SKI: variants seen among roughly 807,000 people sequenced by gnomAD.
The protein encoded by SKI is SKI proto-oncogene.
In SKI, 23 loss-of-function variants were observed where a neutral mutation model predicts 59.3. That is an observed-to-expected ratio of 0.39 (90% CI 0.28 to 0.55). SKI has a LOEUF of 0.55. SKI is among the 20% of genes least tolerant of loss of function. The pLI is 0.67. For synonymous variants in SKI, 673 were observed against 488.6 expected, an observed-to-expected ratio of 1.38 and a Z score of -4.98; for missense variants, 1,017 against 1,038.9, an observed-to-expected ratio of 0.98 and a Z score of 0.29.
rs543025042 is a variant in SKI, at chr1:2,237,943, C to T, written c.969+8208C>T. 3.3e-5 allele frequency among the ~76,000 whole-genome samples: 5 copies of T among 152,338 alleles called. No individual in the cohort carries two copies. The South Asian group carries it at 8.3e-4, about 25-fold the overall frequency. On this transcript the variant is annotated intron_variant, in intron 1 of 6. Transcript: ENST00000378536. The stretch of plus-strand genomic sequence containing the variant: ...AGGACGGGTTACTTAAGGAGTCCAA[C>T]GGGCCTTGAGAGGCTGATCACCCTC...
intron 1 of SKI, among the ~76,000 whole-genome samples, chr1:2,301,036 C>T (rs1307428125): frequency 6.6e-6 from 1 of 152,210 alleles, no homozygotes; most frequent in Non-Finnish European, 1.5e-5. Flanking sequence ...CTCCCGGAGT[C>T]AGCGCCGGCT....
rs1381088132 is a variant in SKI at position 2,228,392 on chromosome 1, C to A, written c.-375C>A. ...GCGGCGCCGGCACCTGCCCGCGCGC[C>A]CCCCGCGAGCCCCGGGCCCGCGAGC... On this transcript the variant is annotated 5_prime_UTR_variant, in exon 1 of 7. Transcript: ENST00000378536. Among the ~76,000 whole-genome samples the A allele has an allele frequency of 7.0e-6, 1 of 142,552 alleles. No individual in the cohort carries two copies. Among genetic ancestry groups the A allele is most frequent in the Non-Finnish European group, 1.6e-5 (1 of 64,374 alleles). The allele number at this position is 142,552 out of a possible 152,430, so 93.5% of individuals were successfully genotyped here. A position where few individuals can be genotyped will look rare whatever the true frequency, so the allele number is the denominator to read the frequency against.
At chr1:2,284,474 G>C (rs75187898) in intron 1 of SKI, among the ~76,000 whole-genome samples, 6,445 of 152,314 alleles carry the variant, frequency 0.042, 219 homozygotes, top group African/African-American at 0.082. Context: ...GTGTGAAGTA[G>C]AGATTGTCTG....
intron 1 of SKI, among the ~76,000 whole-genome samples, chr1:2,290,446 TGCACGTGTTTCTGGGCATCTGAGATGAG>T (rs1640136466): frequency 1.3e-5 from 2 of 152,202 alleles, no homozygotes; most frequent in Admixed American, 6.5e-5. Flanking sequence ...TGTTTGGTGC[TGCACGTGTTTCTGGGCATCTGAGATGAG>T]GCCCCAGGGC....
At position 2,228,942 on chromosome 1, in the gene SKI, C is replaced by T. The variant is rs775345694; in HGVS notation, c.176C>T (p.Ala59Val). The T allele has an allele frequency of 1.4e-6, 2 of 1,386,886 alleles. No homozygotes were observed. The highest frequency in any genetic ancestry group is 2.5e-4 in the Middle Eastern group (1 of 4,048). The allele number at this position is 1,386,886 out of a possible 1,614,324, so 85.9% of individuals were successfully genotyped here. A position where few individuals can be genotyped will look rare whatever the true frequency, so the allele number is the denominator to read the frequency against. The change falls in exon 1 of 7, where the codon GCG becomes GTG. Residue 59 changes from alanine to valine, a missense_variant. Ala to Val is a moderately conservative substitution (Grantham distance 64). Coordinates refer to ENST00000378536, the MANE Select transcript of SKI (RefSeq NM_003036.4). ...KESAKEAGAAAVPAPVPAATE... is the reference protein window; with the variant it reads ...KESAKEAGAAVVPAPVPAATE... ...AGCGCCAAGGAGGCGGGCGCGGCCGCGGTGCCGGCGCCGGTGCCCGCAGCC... is the reference window on the plus strand; with the variant it reads ...AGCGCCAAGGAGGCGGGCGCGGCCGTGGTGCCGGCGCCGGTGCCCGCAGCC...
intron 1 of SKI, among the ~76,000 whole-genome samples, chr1:2,280,675 G>A (rs1294137774): frequency 1.1e-5 from 1 of 93,672 alleles, no homozygotes; most frequent in African/African-American, 4.4e-5. Context: ...AGGCGGCGGC[G>A]GCGATCTTCA....
chr1:2,308,696 T>A lies in SKI; in HGVS notation c.*1931T>A. On this transcript the variant is annotated 3_prime_UTR_variant, in exon 7 of 7. Coordinates refer to ENST00000378536, the MANE Select transcript of SKI (RefSeq NM_003036.4). ...TTGGCGTGCTTCTGTGTGGCTGTCC[T>A]GTGTCGCCAGGTCGAAGATCACAGT... 1 of 152,004 alleles carries A rather than the reference T, an allele frequency of 6.6e-6. No homozygotes were observed. Among genetic ancestry groups the A allele is most frequent in the East Asian group, 1.9e-4 (1 of 5,142 alleles). 9.4% of individuals were successfully genotyped at this position (152,004 alleles called of 1,614,324 possible).
chr1:2,258,371 C>T (rs959039455), intron 1 of SKI, among the ~76,000 whole-genome samples: 33 of 152,054 alleles, frequency 2.2e-4, no homozygotes, highest in Admixed American at 3.3e-4. Context: ...GAGGATGGGA[C>T]AGTGGCTGTG....
intron 1 of SKI, among the ~76,000 whole-genome samples, chr1:2,239,394 G>A (rs1159652102): frequency 1.3e-5 from 2 of 152,108 alleles, no homozygotes; most frequent in East Asian, 1.9e-4. Context: ...GTGGCTCTTC[G>A]AGTCAAGCCG....
rs1005819752 is a variant in SKI, at chr1:2,282,444, A to C, written c.970-20534A>C. 7.9e-5 allele frequency among the ~76,000 whole-genome samples: 8 copies of C among 101,684 alleles called. 1 individual carries two copies. Among genetic ancestry groups the C allele is most frequent in the East Asian group, 3.3e-4 (1 of 2,986 alleles). 66.7% of individuals were successfully genotyped at this position (101,684 alleles called of 152,430 possible). Reference sequence around the variant, plus strand: ...TGCCCGAGAAGACAGGCGGTGGCGGAGATCTTCAGAGAGAGGACGCCTGAG... The same window carrying C: ...TGCCCGAGAAGACAGGCGGTGGCGGCGATCTTCAGAGAGAGGACGCCTGAG... On this transcript the variant is annotated intron_variant, in intron 1 of 6. Transcript: ENST00000378536.
chr1:2,289,909 G>T (rs554294027), intron 1 of SKI, among the ~76,000 whole-genome samples: 1 of 152,118 alleles, frequency 6.6e-6, no homozygotes, highest in South Asian at 2.1e-4. Context: ...AGCATGGGGT[G>T]CTTGCCACTC....
chr1:2,280,511 A>G (rs1243967266), intron 1 of SKI, among the ~76,000 whole-genome samples: 4 of 152,160 alleles, frequency 2.6e-5, no homozygotes, highest in African/African-American at 9.7e-5. Flanking sequence ...GGAAAGAGCC[A>G]CTTCTGGGAG....
At chr1:2,288,320 C>G (rs920563946) in intron 1 of SKI, among the ~76,000 whole-genome samples, 1 of 152,196 alleles carries the variant, frequency 6.6e-6, no homozygotes, top group African/African-American at 2.4e-5. Flanking sequence ...CAGGGTTTCT[C>G]CACATGGGCC....
rs1363036109 is a variant in SKI at position 2,267,936 on chromosome 1, G to T, written c.970-35042G>T. ...GGCTGGAGGTCCTGTGTGCCACCCG[G>T]GGCCTGTGTGCTGTGGTGGTCGTGG... On this transcript the variant is annotated intron_variant, in intron 1 of 6. Coordinates refer to ENST00000378536, the MANE Select transcript of SKI (RefSeq NM_003036.4). This position sits in a 1 kb window ranked among gnomAD's most constrained non-coding sequence, Gnocchi z 4.1. 6.6e-6 allele frequency among the ~76,000 whole-genome samples: 1 copy of T among 152,202 alleles called. No homozygotes were observed. Among genetic ancestry groups the T allele is most frequent in the Non-Finnish European group, 1.5e-5 (1 of 68,024 alleles).
intron 1 of SKI, among the ~76,000 whole-genome samples, chr1:2,272,287 T>C (rs1639639828): frequency 6.6e-6 from 1 of 152,230 alleles, no homozygotes. Context: ...AGCTTAAAAA[T>C]GGTGTTAAAA....
intron 1 of SKI, among the ~76,000 whole-genome samples, chr1:2,260,928 G>T (rs10910042): frequency 6.6e-6 from 1 of 152,160 alleles, no homozygotes; most frequent in Non-Finnish European, 1.5e-5. Flanking sequence ...CTGTATTCTA[G>T]AAATTTTGTA....
intron 1 of SKI, among the ~76,000 whole-genome samples, chr1:2,231,311 C>T (rs955374611): frequency 6.6e-6 from 1 of 152,174 alleles, no homozygotes; most frequent in Non-Finnish European, 1.5e-5. Flanking sequence ...ACGTCACTGT[C>T]TTCAGAGCTG....
At chr1:2,272,870 C>T (rs977814005) in intron 1 of SKI, among the ~76,000 whole-genome samples, 2 of 152,194 alleles carry the variant, frequency 1.3e-5, no homozygotes, top group African/African-American at 4.8e-5. Flanking sequence ...CTCCCACGCC[C>T]CTCCTGCCCC....
At chr1:2,290,195 G>GC (rs1557843273) in intron 1 of SKI, among the ~76,000 whole-genome samples, 3 of 151,348 alleles carry the variant, frequency 2.0e-5, no homozygotes, top group African/African-American at 7.3e-5. Flanking sequence ...GCTGCCCCCG[G>GC]CAGAGCCTTT....
Sources: gnomAD v4.1 joint callset for allele counts (sites outside exome capture counted in the v4.1 genomes callset) on GRCh38, gnomAD v4.1.1 for gene constraint, Gnocchi (gnomAD v3.1) non-coding constraint, MANE v1.5 for transcripts, NCBI Gene and HGNC (gene_info 2026-07-23, HGNC 2026-07-21) for gene names.